The following SLC5A2 variants were observed in gnomAD, a reference collection of about 807,000 sequenced individuals.
The protein encoded by SLC5A2 is solute carrier family 5 member 2, also known as sodium/glucose cotransporter 2.
A neutral mutation model predicts 69.0 loss-of-function variants in SLC5A2; 67 were observed. The observed-to-expected ratio is 0.97, with a 90% confidence interval of 0.80 to 1.19. The LOEUF (loss-of-function observed/expected upper bound fraction) is 1.19, where lower values mean the gene tolerates loss of function less well. Ranked by LOEUF, SLC5A2 falls within the 50% of genes most tolerant of loss-of-function variation. SLC5A2 has a pLI of 0.00. For missense variants in SLC5A2, 1,001 were observed against 921.5 expected (o/e 1.09, Z -1.12); for synonymous variants, 455 against 395.8 (o/e 1.15, Z -1.78).
chr16:31,483,383 G>A (rs1279075493), intron 1 of SLC5A2, 121 bp downstream of exon 1: 5 of 1,323,208 alleles, frequency 3.8e-6, no homozygotes, highest in African/African-American at 1.4e-5. Context: ...ACCTAGGCCT[G>A]GGGGCAAGCA....
chr16:31,485,376 G>A (rs1056095740), intron 3 of SLC5A2: 12 of 460,810 alleles, frequency 2.6e-5, no homozygotes, highest in Non-Finnish European at 4.4e-5. Context: ...CCTGGAGGAG[G>A]AGACTGCTGA....
chr16:31,488,288 G>A (rs935745768), intron 8 of SLC5A2, 95 bp from the exon 9 acceptor site: 7 of 1,598,408 alleles, frequency 4.4e-6, no homozygotes, highest in African/African-American at 4.0e-5. Context: ...CCCTCCGGGG[G>A]TCGCACGCCT....
chr16:31,485,006 G>C, intron 3 of SLC5A2, 83 bp downstream of exon 3: 1 of 1,272,684 alleles, frequency 7.9e-7, no homozygotes, highest in South Asian at 1.3e-5. Context: ...CCAGGAAAGG[G>C]GGAATGAGAC....
chr16:31,483,390 AGCAGG>A lies in SLC5A2; in HGVS notation c.126+129_126+133del, dbSNP rs1342680304. 9.7e-5 allele frequency: 124 copies of A among 1,274,820 alleles called. No homozygotes were observed. The South Asian group carries it at 1.2e-3, about 12-fold the overall frequency. The allele number at this position is 1,274,820 out of a possible 1,614,324, so 79.0% of individuals were successfully genotyped here. A position where few individuals can be genotyped will look rare whatever the true frequency, so the allele number is the denominator to read the frequency against. On this transcript the variant is annotated intron_variant, in intron 1 of 13. Transcript: ENST00000330498. ...AAGGAGAAACCTAGGCCTGGGGGCA[AGCAGG>A]TCTTTGGAAGTTCTCAGGGAGACCC...
intron 1 of SLC5A2, among the ~76,000 whole-genome samples, chr16:31,484,308 C>T (rs1191517711): frequency 1.3e-5 from 2 of 151,322 alleles, no homozygotes. Flanking sequence ...ATAATCCCAG[C>T]TACTTTGGAG....
intron 12 of SLC5A2, chr16:31,489,609 T>C: frequency 3.5e-6 from 2 of 573,186 alleles, no homozygotes; most frequent in East Asian, 3.0e-5. Context: ...ACACAGGATC[T>C]GACTGGTGGG....
chr16:31,487,883 G>T, intron 7 of SLC5A2, 124 bp downstream of exon 7: 1 of 1,402,384 alleles, frequency 7.1e-7, no homozygotes, highest in Non-Finnish European at 9.7e-7. Flanking sequence ...AACCCCTCGG[G>T]TTGGTGCTAA....
At chr16:31,487,290 G>A in intron 5 of SLC5A2, 30 bp from the exon 6 acceptor site, 1 of 1,609,724 alleles carries the variant, frequency 6.2e-7, no homozygotes. Context: ...ATAAACAGCT[G>A]GGCTGTCCCC....
Position 31,489,128 on chromosome 16 carries a change from CT to C in SLC5A2, c.1457del (p.Phe486SerfsTer9). 6.2e-7 allele frequency: 1 copy of C among 1,608,386 alleles called. No individual in the cohort carries two copies. ...FVPRVNEQGAFWGLIGGLLMG... is the reference protein window; with the variant it reads ...FVPRVNEQGAXWGLIGGLLMG... ...CTGACCTGTTTCCTTCGCAGGGCGC[CT>C]TCTGGGGACTCATCGGGGGCCTGCT... On this transcript the variant is annotated frameshift_variant, in exon 12 of 14. Coordinates refer to ENST00000330498, the MANE Select transcript of SLC5A2 (RefSeq NM_003041.4). LOFTEE classifies it high-confidence loss of function.
chr16:31,487,376 G>A lies in SLC5A2; in HGVS notation c.631G>A (p.Gly211Ser). ...GGTACAGACCTTCGTCATTCTGGGG[G>A]GCGCCTGCATCCTCATGGGTTACGG... is the stretch of plus-strand genomic sequence containing the variant. ...DTVQTFVILG[G>S]ACILMGYAFH... Residue 211 changes from glycine to serine, a missense_variant, in exon 6 of 14, where the codon GGC (glycine) becomes AGC (serine). Physicochemically the swap from Gly to Ser is moderately conservative, Grantham distance 56. Transcript: ENST00000330498. 6.2e-7 allele frequency: 1 copy of A among 1,613,936 alleles called. No individual in the cohort carries two copies. Among genetic ancestry groups the A allele is most frequent in the East Asian group, 2.2e-5 (1 of 44,866 alleles).
rs1309307492 is a variant in SLC5A2, at chr16:31,489,124, G to A, written c.1451G>A (p.Gly484Asp). ...ALFVPRVNEQ[G>D]AFWGLIGGLL... Reference sequence around the variant, plus strand: ...CAGGCTGACCTGTTTCCTTCGCAGGGCGCCTTCTGGGGACTCATCGGGGGC... The same window carrying A: ...CAGGCTGACCTGTTTCCTTCGCAGGACGCCTTCTGGGGACTCATCGGGGGC... Residue 484 changes from glycine to aspartate, a missense_variant and splice_region_variant, in exon 12 of 14, where the codon GGC becomes GAC. Transcript: ENST00000330498. The A allele has an allele frequency of 6.2e-7, 1 of 1,607,960 alleles. No individual in the cohort carries two copies.
chr16:31,488,821 G>A (rs759402000), intron 10 of SLC5A2, 49 bp downstream of exon 10: 5 of 1,600,876 alleles, frequency 3.1e-6, no homozygotes, highest in African/African-American at 2.7e-5. Flanking sequence ...CGGGGCGGGG[G>A]CTTGCGCACC....
chr16:31,487,699 G>C lies in SLC5A2; in HGVS notation c.825G>C (p.Pro275=), dbSNP rs773449088. 2.5e-6 allele frequency: 4 copies of C among 1,613,282 alleles called. No individual in the cohort carries two copies. Among genetic ancestry groups the C allele is most frequent in the Non-Finnish European group, 3.4e-6 (4 of 1,179,974 alleles). ...GGCACCCCGTGACCGGGGATCTGCCGTGGCCCGCGCTGCTCCTCGGACTCA... is the reference window on the plus strand; with the variant it reads ...GGCACCCCGTGACCGGGGATCTGCCCTGGCCCGCGCTGCTCCTCGGACTCA... The part of the protein sequence containing the change: ...LLRHPVTGDL[P]WPALLLGLTI... Residue 275 remains proline, a synonymous_variant, in exon 7 of 14, where the codon CCG becomes CCC. Coordinates refer to ENST00000330498, the MANE Select transcript of SLC5A2 (RefSeq NM_003041.4).
Position 31,486,037 on chromosome 16 carries a change from C to T in SLC5A2, c.469-133C>T, listed in dbSNP as rs528171935. On this transcript the variant is annotated intron_variant, in intron 4 of 13. Coordinates refer to ENST00000330498, the MANE Select transcript of SLC5A2 (RefSeq NM_003041.4). ...AGGCAGAGCCTGCAATGAATGTCTC[C>T]GGGGCACCAGCTACAGTGCTGGGAC... 5.5e-5 allele frequency: 66 copies of T among 1,192,256 alleles called. No individual in the cohort carries two copies. In the East Asian group the frequency reaches 6.4e-4, roughly 12 times the overall value. 73.9% of individuals were successfully genotyped at this position (1,192,256 alleles called of 1,614,324 possible).
intron 6 of SLC5A2, 46 bp from the exon 7 acceptor site, chr16:31,487,484 G>A: frequency 1.2e-6 from 2 of 1,611,300 alleles, no homozygotes; most frequent in Non-Finnish European, 1.7e-6. Flanking sequence ...GCGCGTCTCC[G>A]GTCTGAGGGT....
chr16:31,490,131 C>T lies in SLC5A2; in HGVS notation c.1693C>T (p.His565Tyr), dbSNP rs1255453416. ...HLHRLVFSLR[H>Y]SKEEREDLDA... is the part of the protein sequence containing the mutation. Reference sequence around the variant, plus strand: ...CCACCGCCTGGTCTTCAGTCTCCGGCATAGCAAGGAGGAACGGGAGGACCT... The same window carrying T: ...CCACCGCCTGGTCTTCAGTCTCCGGTATAGCAAGGAGGAACGGGAGGACCT... The change falls in exon 13 of 14, where the codon CAT (histidine) becomes TAT (tyrosine). Residue 565 changes from histidine (H) to tyrosine (Y), a missense_variant. Transcript: ENST00000330498. 7 of 1,614,074 alleles carry T rather than the reference C, an allele frequency of 4.3e-6. No individual in the cohort carries two copies. The highest frequency in any genetic ancestry group is 5.9e-6 in the Non-Finnish European group (7 of 1,180,022).
intron 1 of SLC5A2, among the ~76,000 whole-genome samples, chr16:31,483,642 C>T (rs1015630033): frequency 9.2e-5 from 14 of 152,288 alleles, no homozygotes; most frequent in Admixed American, 5.2e-4. Flanking sequence ...CCTGTAATCC[C>T]AGCACTTTGG....
In SLC5A2 at chr16:31,488,143, C is replaced by T. The variant is rs746053547; in HGVS notation, c.991C>T (p.Pro331Ser). 6.2e-7 allele frequency: 1 copy of T among 1,614,094 alleles called. No individual in the cohort carries two copies. The highest frequency in any genetic ancestry group is 1.3e-5 in the African/African-American group (1 of 75,066). ...GACGCCCATGTTTCTCATGGTCATGCCAGGCATGATCAGCCGCATTCTGTA... is the reference window on the plus strand; with the variant it reads ...GACGCCCATGTTTCTCATGGTCATGTCAGGCATGATCAGCCGCATTCTGTA... ...KLTPMFLMVM[P>S]GMISRILYPD... The change falls in exon 8 of 14, where the codon CCA becomes TCA. Residue 331 changes from proline to serine, a missense_variant. By Grantham distance (74) the Pro-to-Ser change is moderately conservative. Coordinates refer to ENST00000330498, the MANE Select transcript of SLC5A2 (RefSeq NM_003041.4).
rs780396804 is a variant in SLC5A2 at position 31,488,681 on chromosome 16, A to G, written c.1189A>G (p.Ile397Val). 5 of 1,612,676 alleles carry G rather than the reference A, an allele frequency of 3.1e-6. No individual in the cohort carries two copies. Among genetic ancestry groups the G allele is most frequent in the Non-Finnish European group, 3.4e-6 (4 of 1,179,574 alleles). ...LAALMSSLAS[I>V]FNSSSTLFTM... ...CGCGCTCATGTCCTCGCTGGCCTCC[A>G]TCTTCAACAGCAGCAGCACGCTCTT... Residue 397 changes from isoleucine to valine, a missense_variant, in exon 10 of 14, where the codon ATC (isoleucine) becomes GTC (valine). Coordinates refer to ENST00000330498, the MANE Select transcript of SLC5A2 (RefSeq NM_003041.4).
Sources: allele counts gnomAD v4.1 joint callset (sites outside exome capture counted in the v4.1 genomes callset), GRCh38; gene constraint gnomAD v4.1.1; transcripts MANE v1.5; gene names NCBI Gene and HGNC (gene_info 2026-07-23, HGNC 2026-07-21).